Variants in KPNA2 observed in about 807,000 individuals in gnomAD.
The protein encoded by KPNA2 is importin subunit alpha-1.
KPNA2 carries 20 observed loss-of-function variants against 53.7 expected under a neutral mutation model. The ratio of observed to expected loss-of-function variants is 0.37; its 90% confidence interval spans 0.26 to 0.54. KPNA2 has a LOEUF of 0.54. KPNA2 is among the 20% of genes least tolerant of loss of function. The pLI, the probability that KPNA2 is intolerant of heterozygous loss-of-function variation, is 0.83. For missense variants in KPNA2, 515 were observed against 640.3 expected, an observed-to-expected ratio of 0.80 and a Z score of 2.11; for synonymous variants, 238 against 227.5, an observed-to-expected ratio of 1.05 and a Z score of -0.42.
rs782245602 is a variant in KPNA2 at position 68,043,178 on chromosome 17, G to T, written c.745G>T (p.Val249Phe). 6.2e-7 allele frequency: 1 copy of T among 1,614,104 alleles called. No individual in the cohort carries two copies. Among genetic ancestry groups the T allele is most frequent in the Admixed American group, 1.7e-5 (1 of 60,008 alleles). Residue 249 changes from valine (V) to phenylalanine (F), a missense_variant, in exon 7 of 11, where the codon GTT becomes TTT. Coordinates refer to ENST00000330459, the MANE Select transcript of KPNA2 (RefSeq NM_002266.4). ...NKNPAPPIDA[V>F]EQILPTLVRL... ...GAATCCTGCACCCCCGATAGATGCT[G>T]TTGAGCAGATTCTTCCTACCTTAGT...
In KPNA2 at chr17:68,037,434, G is replaced by A; in HGVS notation, c.152G>A (p.Arg51Lys). The A allele has an allele frequency of 6.2e-6, 10 of 1,614,060 alleles. No homozygotes were observed. Among genetic ancestry groups the A allele is most frequent in the Non-Finnish European group, 8.5e-6 (10 of 1,179,950 alleles). Reference sequence around the variant, plus strand: ...AAGGATGACCAGATGCTGAAGAGGAGAAATGTAAGCTCATTTCCTGATGAT... The same window carrying A: ...AAGGATGACCAGATGCTGAAGAGGAAAAATGTAAGCTCATTTCCTGATGAT... ...AKKDDQMLKR[R>K]NVSSFPDDAT... The change falls in exon 3 of 11, where the codon AGA (arginine) becomes AAA (lysine). Residue 51 changes from arginine to lysine, a missense_variant. By Grantham distance (26) the Arg-to-Lys change is conservative. Coordinates refer to ENST00000330459, the MANE Select transcript of KPNA2 (RefSeq NM_002266.4).
intron 9 of KPNA2, chr17:68,045,570 G>T: frequency 2.3e-6 from 1 of 442,712 alleles, no homozygotes; most frequent in Non-Finnish European, 4.0e-6. Flanking sequence ...TCCAGTTGAA[G>T]TAGTGCTAAA....
chr17:68,037,257 T>C, intron 2 of KPNA2, 50 bp downstream of exon 2: 1 of 1,586,090 alleles, frequency 6.3e-7, no homozygotes, highest in Non-Finnish European at 8.6e-7. Context: ...TGGGAAGACA[T>C]TTGGAAAGGG....
intron 2 of KPNA2, 23 bp downstream of exon 2, chr17:68,037,230 CTGTGGTGGTAT>C: frequency 6.3e-7 from 1 of 1,597,382 alleles, no homozygotes; most frequent in Non-Finnish European, 8.5e-7. Context: ...TGTTGCTTTC[CTGTGGTGGTAT>C]TTAAATGGGA....
chr17:68,046,143 A>G (rs1405473574), intron 10 of KPNA2, among the ~76,000 whole-genome samples: 1 of 152,212 alleles, frequency 6.6e-6, no homozygotes, highest in African/African-American at 2.4e-5. Context: ...GTTTCAAATG[A>G]ACAACCTTGA....
intron 2 of KPNA2, 21 bp downstream of exon 2, chr17:68,037,228 T>C: frequency 6.3e-7 from 1 of 1,599,610 alleles, no homozygotes. Flanking sequence ...TCTGTTGCTT[T>C]CCTGTGGTGG....
intron 3 of KPNA2, among the ~76,000 whole-genome samples, chr17:68,037,715 G>C (rs1217534118): frequency 4.6e-5 from 7 of 151,922 alleles, no homozygotes; most frequent in Non-Finnish European, 1.0e-4. Context: ...CCTTCCTTCA[G>C]ACTTCCCTGC....
intron 9 of KPNA2, 95 bp downstream of exon 9, chr17:68,044,598 C>G (rs1447936424): frequency 2.2e-6 from 2 of 926,190 alleles, no homozygotes; most frequent in South Asian, 1.6e-5. Context: ...AGTTTACTCA[C>G]TAGTAAGCCA....
chr17:68,037,077 A>C, intron 1 of KPNA2, 33 bp from the exon 2 acceptor site: 1 of 1,354,650 alleles, frequency 7.4e-7, no homozygotes, highest in Non-Finnish European at 1.1e-6. Context: ...GAAAATGATA[A>C]AGGAAATATT....
chr17:68,039,165 G>T (rs1292742672), intron 3 of KPNA2, among the ~76,000 whole-genome samples: 2 of 151,760 alleles, frequency 1.3e-5, no homozygotes, highest in African/African-American at 4.8e-5. Context: ...TTGTTGCCCA[G>T]GCTGGAGTGC....
At position 68,040,755 on chromosome 17, in the gene KPNA2, T is replaced by C; in HGVS notation, c.291T>C (p.Thr97=). ...SSNVENQLQA[T]QAARKLLSRE... ...ATGTGGAAAATCAGCTCCAAGCTAC[T>C]CAAGCTGCCAGGTAAGTCTTGTCTG... is the stretch of plus-strand genomic sequence containing the variant. Residue 97 remains threonine (T), a synonymous_variant, in exon 4 of 11, where the codon ACT becomes ACC. Coordinates refer to ENST00000330459, the MANE Select transcript of KPNA2 (RefSeq NM_002266.4). 6.3e-7 allele frequency: 1 copy of C among 1,598,734 alleles called. No individual in the cohort carries two copies. The highest frequency in any genetic ancestry group is 8.6e-7 in the Non-Finnish European group (1 of 1,169,410).
In KPNA2 at chr17:68,043,943, A is replaced by G; in HGVS notation, c.1036A>G (p.Asn346Asp). ...ALAVFPSLLT[N>D]PKTNIQKEAT... ...CGCCGTCTTTCCCAGCCTGCTCACC[A>G]ACCCCAAAACTAACATTCAGAAGGA... Residue 346 changes from asparagine to aspartate, a missense_variant, in exon 8 of 11, where the codon AAC becomes GAC. Asn to Asp is a conservative substitution (Grantham distance 23). Transcript: ENST00000330459. 1 of 1,613,936 alleles carries G rather than the reference A, an allele frequency of 6.2e-7. No individual in the cohort carries two copies.
At chr17:68,042,048 A>T in intron 4 of KPNA2, 37 bp from the exon 5 acceptor site, 1 of 1,556,042 alleles carries the variant, frequency 6.4e-7, no homozygotes, top group Non-Finnish European at 8.8e-7. Flanking sequence ...TTTGTTAATC[A>T]CTGTCAACTT....
chr17:68,036,933 A>G (rs1336898153), intron 1 of KPNA2, 177 bp from the exon 2 acceptor site: 8 of 537,224 alleles, frequency 1.5e-5, no homozygotes, highest in East Asian at 3.5e-5. Flanking sequence ...CTTTAGAGGG[A>G]AGGGGGACAC....
intron 1 of KPNA2, 157 bp from the exon 2 acceptor site, chr17:68,036,953 G>A (rs2071197034): frequency 3.4e-6 from 2 of 591,566 alleles, no homozygotes; most frequent in Admixed American, 3.4e-5. Flanking sequence ...CTTCCCCTTT[G>A]GGTAAAGCTA....
At position 68,043,867 on chromosome 17, in the gene KPNA2, T is replaced by C. The variant is rs377442010; in HGVS notation, c.960T>C (p.Ile320=). The part of the protein sequence containing the change: ...VTPALRAIGN[I]VTGTDEQTQV... The stretch of plus-strand genomic sequence containing the variant: ...CTGCCCTAAGAGCCATAGGGAATAT[T>C]GTCACTGGTACAGATGAACAGACTC... The change falls in exon 8 of 11, where the codon ATT becomes ATC. Residue 320 remains isoleucine, a synonymous_variant. Transcript: ENST00000330459. The C allele has an allele frequency of 2.4e-5, 39 of 1,613,052 alleles. No individual in the cohort carries two copies. Among genetic ancestry groups the C allele is most frequent in the Non-Finnish European group, 3.0e-5 (35 of 1,179,256 alleles).
chr17:68,042,151 A>G lies in KPNA2; in HGVS notation c.369A>G (p.Lys123=). Residue 123 remains lysine (K), a synonymous_variant, in exon 5 of 11, where the codon AAA becomes AAG. Transcript: ENST00000330459. ...DNIIRAGLIP[K]FVSFLGRTDC... Reference sequence around the variant, plus strand: ...TAATCCGGGCTGGTTTGATTCCGAAATTTGTGTCCTTCTTGGGCAGAACTG... The same window carrying G: ...TAATCCGGGCTGGTTTGATTCCGAAGTTTGTGTCCTTCTTGGGCAGAACTG... 1 of 1,613,990 alleles carries G rather than the reference A, an allele frequency of 6.2e-7. No homozygotes were observed. Among genetic ancestry groups the G allele is most frequent in the Non-Finnish European group, 8.5e-7 (1 of 1,179,850 alleles).
rs2071272108 is a variant in KPNA2 at position 68,042,470 on chromosome 17, A to G, written c.571+117A>G. On this transcript the variant is annotated intron_variant, in intron 5 of 10. Coordinates refer to ENST00000330459, the MANE Select transcript of KPNA2 (RefSeq NM_002266.4). ...GTTTTGAGCTTGCTTTCAAGCCCTT[A>G]TTAGGAATGAAAGTGTCGTCTTTAC... is the stretch of plus-strand genomic sequence containing the variant. The G allele has an allele frequency of 5.5e-6, 6 of 1,093,684 alleles. No homozygotes were observed. In the South Asian group the frequency reaches 8.9e-5, roughly 16 times the overall value. The allele number at this position is 1,093,684 out of a possible 1,614,324, so 67.7% of individuals were successfully genotyped here. A position where few individuals can be genotyped will look rare whatever the true frequency, so the allele number is the denominator to read the frequency against.
At chr17:68,040,054 T>G (rs948657164) in intron 3 of KPNA2, among the ~76,000 whole-genome samples, 36 of 151,274 alleles carry the variant, frequency 2.4e-4, no homozygotes, top group African/African-American at 8.2e-4. Context: ...CACTCCAGCC[T>G]GGGGATTGAG....
Sources: gnomAD v4.1 joint callset for allele counts (sites outside exome capture counted in the v4.1 genomes callset) on GRCh38, gnomAD v4.1.1 for gene constraint, MANE v1.5 for transcripts, NCBI Gene and HGNC (gene_info 2026-07-23, HGNC 2026-07-21) for gene names.